Variants in MTHFD1 observed in about 807,000 individuals in gnomAD.
MTHFD1 encodes the protein methylenetetrahydrofolate dehydrogenase, cyclohydrolase and formyltetrahydrofolate synthetase 1, also known as C-1-tetrahydrofolate synthase, cytoplasmic.
MTHFD1 carries 44 observed loss-of-function variants against 110.3 expected under a neutral mutation model. The ratio of observed to expected loss-of-function variants is 0.40; its 90% CI spans 0.31 to 0.51. The LOEUF (loss-of-function observed/expected upper bound fraction) is 0.51, where lower values mean the gene tolerates loss of function less well. MTHFD1 is among the 20% of genes least tolerant of loss of function. The probability of loss-of-function intolerance (pLI) is 0.60; values close to 1 mark genes in which losing one functional copy is unlikely to be tolerated. For missense variants in MTHFD1, 909 were observed against 1,173.1 expected (o/e 0.77, Z 3.29); for synonymous variants, 402 against 428.8 (o/e 0.94, Z 0.77).
At chr14:64,456,754 A>G (rs1347628707) in intron 26 of MTHFD1, among the ~76,000 whole-genome samples, 2 of 152,236 alleles carry the variant, frequency 1.3e-5, no homozygotes, top group African/African-American at 4.8e-5. Context: ...TCAGATCCCT[A>G]TAATGTGTTT....
chr14:64,456,986 C>T (rs553021634), intron 26 of MTHFD1, among the ~76,000 whole-genome samples: 56 of 152,240 alleles, frequency 3.7e-4, no homozygotes, highest in African/African-American at 1.3e-3. Flanking sequence ...TTTTCACTTG[C>T]AAGCCGTACA....
chr14:64,454,752 T>C lies in MTHFD1; in HGVS notation c.2595T>C (p.Ala865=), dbSNP rs780440085. 6.2e-7 allele frequency: 1 copy of C among 1,614,024 alleles called. No homozygotes were observed. The highest frequency in any genetic ancestry group is 8.5e-7 in the Non-Finnish European group (1 of 1,179,864). The change falls in exon 26 of 28, where the codon GCT becomes GCC. Residue 865 remains alanine (A), a synonymous_variant. Transcript: ENST00000652337. ...TTGGGAATCTCCCCATCTGCATGGC[T>C]AAAACACACTTGTCTTTGTCTCACA... is the stretch of plus-strand genomic sequence containing the variant. The part of the protein sequence containing the change: ...QGFGNLPICM[A]KTHLSLSHNP...
chr14:64,450,874 A>C (rs966815903), intron 24 of MTHFD1, among the ~76,000 whole-genome samples: 1 of 152,102 alleles, frequency 6.6e-6, no homozygotes, highest in Non-Finnish European at 1.5e-5. Context: ...AGCCTGGCTA[A>C]TTTGTTTTAT....
intron 15 of MTHFD1, among the ~76,000 whole-genome samples, chr14:64,435,083 G>T (rs2078195560): frequency 6.7e-6 from 1 of 149,044 alleles, no homozygotes. Flanking sequence ...CCAAGTAGCT[G>T]GGATTATAGT....
chr14:64,399,672 A>AAAAAG (rs1566554355), intron 1 of MTHFD1, among the ~76,000 whole-genome samples: 1 of 149,896 alleles, frequency 6.7e-6, no homozygotes, highest in Non-Finnish European at 1.5e-5. Context: ...AAAAAAAAAA[A>AAAAAG]AAAAGAAAAA....
chr14:64,389,545 T>C (rs759224518), intron 1 of MTHFD1, among the ~76,000 whole-genome samples: 2 of 152,022 alleles, frequency 1.3e-5, no homozygotes, highest in Non-Finnish European at 2.9e-5. Flanking sequence ...CCATCTCTAC[T>C]AAAAATACAA....
At chr14:64,439,462 C>A in intron 17 of MTHFD1, 2 of 467,894 alleles carry the variant, frequency 4.3e-6, no homozygotes, top group South Asian at 4.3e-5. Flanking sequence ...TTTTTGTGGC[C>A]ATTTCACTGT....
At chr14:64,457,898 G>A (rs1018328497) in intron 26 of MTHFD1, 1 of 422,972 alleles carries the variant, frequency 2.4e-6, no homozygotes, top group East Asian at 4.3e-5. Flanking sequence ...TGAAAGTAAA[G>A]ATGACTTTAC....
chr14:64,420,498 T>C (rs1334921868), intron 8 of MTHFD1, among the ~76,000 whole-genome samples: 3 of 152,176 alleles, frequency 2.0e-5, no homozygotes, highest in Non-Finnish European at 4.4e-5. Flanking sequence ...GTCTGAAGCC[T>C]TTTAGTTTCC....
At chr14:64,449,396 GTC>G in intron 23 of MTHFD1, 47 bp from the exon 24 acceptor site, 1 of 1,592,500 alleles carries the variant, frequency 6.3e-7, no homozygotes, top group Non-Finnish European at 8.6e-7. Flanking sequence ...AGACAATTCT[GTC>G]TCTCCAGCCA....
In MTHFD1 at chr14:64,427,332, T is replaced by C. The variant is rs1361551847; in HGVS notation, c.1128-5T>C. ...ACCTTTTTCTCTTTTGCTTTCGTCTTGAAGAATAACTCCAACACCCCTGGG... is the reference window on the plus strand; with the variant it reads ...ACCTTTTTCTCTTTTGCTTTCGTCTCGAAGAATAACTCCAACACCCCTGGG... On this transcript the variant is annotated splice_polypyrimidine_tract_variant and splice_region_variant and intron_variant, in intron 11 of 27. Transcript: ENST00000652337. 2.5e-6 allele frequency: 4 copies of C among 1,614,080 alleles called. No homozygotes were observed. Among genetic ancestry groups the C allele is most frequent in the South Asian group, 1.1e-5 (1 of 91,092 alleles).
intron 12 of MTHFD1, among the ~76,000 whole-genome samples, chr14:64,429,774 CCTAAT>C (rs1407966553): frequency 6.6e-6 from 1 of 152,090 alleles, no homozygotes; most frequent in Non-Finnish European, 1.5e-5. Flanking sequence ...TTTCTAACAG[CCTAAT>C]CTATTTATCT....
intron 24 of MTHFD1, among the ~76,000 whole-genome samples, chr14:64,450,299 G>T (rs2078349923): frequency 6.6e-6 from 1 of 152,222 alleles, no homozygotes; most frequent in Non-Finnish European, 1.5e-5. Context: ...AGATTGGTAA[G>T]GGGCTGCATC....
chr14:64,426,804 G>A (rs184542081), intron 11 of MTHFD1, among the ~76,000 whole-genome samples: 35 of 152,208 alleles, frequency 2.3e-4, no homozygotes, highest in African/African-American at 8.4e-4. Flanking sequence ...TCATTAATTC[G>A]ATGGATTTAC....
Position 64,442,516 on chromosome 14 carries a change from G to A in MTHFD1, c.2136+114G>A, listed in dbSNP as rs1363622784. On this transcript the variant is annotated intron_variant, in intron 21 of 27. Transcript: ENST00000652337. ...TTGCTCTTATCCTCGTGATTAACAG[G>A]CAGCAAAAGCAAGGGACGGGCAGAC... The A allele has an allele frequency of 3.5e-6, 4 of 1,145,810 alleles. No homozygotes were observed. In the African/African-American group the frequency reaches 4.5e-5, roughly 13 times the overall value. 71.0% of individuals were successfully genotyped at this position (1,145,810 alleles called of 1,614,324 possible). A position where few individuals can be genotyped will look rare whatever the true frequency, so the allele number is the denominator to read the frequency against.
chr14:64,437,642 T>A (rs2078216523), intron 16 of MTHFD1, among the ~76,000 whole-genome samples: 1 of 152,228 alleles, frequency 6.6e-6, no homozygotes, highest in African/African-American at 2.4e-5. Context: ...GTCCAGGTTG[T>A]CACCTGTGCT....
intron 8 of MTHFD1, chr14:64,424,361 G>C (rs897687834): frequency 8.9e-6 from 2 of 224,888 alleles, no homozygotes; most frequent in African/African-American, 4.6e-5. Context: ...TGTTCCTCCA[G>C]CTCACACATG....
chr14:64,396,622 C>A (rs2077851885), intron 1 of MTHFD1, among the ~76,000 whole-genome samples: 1 of 145,366 alleles, frequency 6.9e-6, no homozygotes, highest in South Asian at 2.2e-4. Flanking sequence ...CTGTGTCAAA[C>A]CCCCCAGCTC....
chr14:64,424,669 A>G (rs1242493399), intron 8 of MTHFD1, 135 bp from the exon 9 acceptor site: 2 of 944,500 alleles, frequency 2.1e-6, no homozygotes, highest in African/African-American at 1.6e-5. Flanking sequence ...CTGTCATTCC[A>G]TAGCTTTTAA....
Sources: allele counts gnomAD v4.1 joint callset (sites outside exome capture counted in the v4.1 genomes callset), GRCh38; gene constraint gnomAD v4.1.1; transcripts MANE v1.5; gene names NCBI Gene and HGNC (gene_info 2026-07-23, HGNC 2026-07-21).